The following LRCH3 variants were observed in gnomAD, a reference collection of about 807,000 sequenced individuals.
LRCH3 encodes DISP complex protein LRCH3.
In LRCH3, 68 loss-of-function variants were observed where a neutral mutation model predicts 104.5. The ratio of observed to expected loss-of-function variants is 0.65; its 90% CI spans 0.54 to 0.80. The LOEUF is 0.80. Among genes scored for constraint, LRCH3 ranks in the 30% least tolerant of loss-of-function variants. The pLI is 0.00. For synonymous variants in LRCH3, 344 were observed against 361.3 expected (o/e 0.95, Z 0.54); for missense variants, 951 against 953.9 (o/e 1.00, Z 0.04).
Position 197,854,293 on chromosome 3 carries a change from T to C in LRCH3, c.1591-99T>C. On this transcript the variant is annotated intron_variant, in intron 13 of 20. Coordinates refer to ENST00000425562, the MANE Select transcript of LRCH3 (RefSeq NM_001365715.1). The surrounding 1 kb of genome is among the most constrained non-coding windows in gnomAD (Gnocchi z 4.5). ...CTATGTCAACGTCTTCAAAAGTATG[T>C]CTTAATATGTCTCTTCCCTTGTGTG... The C allele has an allele frequency of 9.9e-7, 1 of 1,007,666 alleles. No homozygotes were observed. The highest frequency in any genetic ancestry group is 1.7e-5 in the Admixed American group (1 of 58,442). 62.4% of individuals were successfully genotyped at this position (1,007,666 alleles called of 1,614,324 possible).
At chr3:197,792,605 A>ATATATAT (rs1553912026) in intron 1 of LRCH3, among the ~76,000 whole-genome samples, 3 of 52,270 alleles carry the variant, frequency 5.7e-5, no homozygotes, top group Non-Finnish European at 1.3e-4. Flanking sequence ...ATATATATAT[A>ATATATAT]AAATATACAT....
At chr3:197,837,328 A>G (rs1326529927) in intron 9 of LRCH3, among the ~76,000 whole-genome samples, 2 of 152,212 alleles carry the variant, frequency 1.3e-5, no homozygotes, top group Non-Finnish European at 2.9e-5. Flanking sequence ...GAAAATGCCT[A>G]TTATACTACT....
Position 197,887,472 on chromosome 3 carries a change from A to G in LRCH3, c.*3806A>G, listed in dbSNP as rs1349383382. ...AGAGCCCCCCAGCAGAGCCCTTCCC[A>G]TCACTGACAGTGTTGGGGGCTGAGA... On this transcript the variant is annotated 3_prime_UTR_variant, in exon 21 of 21. Transcript: ENST00000425562. 1 of 140,780 alleles carries G rather than the reference A, an allele frequency of 7.1e-6. No homozygotes were observed. The highest frequency in any genetic ancestry group is 1.5e-5 in the Non-Finnish European group (1 of 65,572). The allele number at this position is 140,780 out of a possible 1,614,324, so 8.7% of individuals were successfully genotyped here.
chr3:197,847,875 TCA>T lies in LRCH3; in HGVS notation c.1391_1392del (p.Thr464ArgfsTer27). On this transcript the variant is annotated frameshift_variant, in exon 12 of 21. Transcript: ENST00000425562. LOFTEE classifies it high-confidence loss of function. The stretch of plus-strand genomic sequence containing the variant: ...CACAATAACGCTTTGGTTCCAGCTG[TCA>T]CACACAGACCTGGAACTTCATCAGA... ...LSLSASHNQL[S>X]HTDLELHQRR... 1 of 1,613,954 alleles carries T rather than the reference TCA, an allele frequency of 6.2e-7. No individual in the cohort carries two copies. Among genetic ancestry groups the T allele is most frequent in the Non-Finnish European group, 8.5e-7 (1 of 1,179,936 alleles).
chr3:197,838,698 T>C (rs1461379202), intron 9 of LRCH3, among the ~76,000 whole-genome samples: 2 of 152,252 alleles, frequency 1.3e-5, no homozygotes, highest in Non-Finnish European at 1.5e-5. Context: ...AGTAATACTT[T>C]TTGAAAATGA....
intron 20 of LRCH3, chr3:197,880,956 TCTC>T (rs1713708403): frequency 1.5e-6 from 2 of 1,375,858 alleles, no homozygotes; most frequent in Admixed American, 3.1e-5. Context: ...ATCCGTCCAT[TCTC>T]CTGGCCTGTG....
chr3:197,819,150 G>T (rs1436268809), intron 3 of LRCH3, among the ~76,000 whole-genome samples: 1 of 150,384 alleles, frequency 6.6e-6, no homozygotes, highest in Non-Finnish European at 1.5e-5. Context: ...AAAGAAAAAA[G>T]AATGAGTGTC....
chr3:197,835,758 C>T lies in LRCH3; in HGVS notation c.1187C>T (p.Pro396Leu), dbSNP rs1169111952. 4 of 1,613,894 alleles carry T rather than the reference C, an allele frequency of 2.5e-6. No individual in the cohort carries two copies. The African/African-American group carries it at 4.0e-5, about 16-fold the overall frequency. The change falls in exon 9 of 21, where the codon CCA becomes CTA. Residue 396 changes from proline (P) to leucine (L), a missense_variant. By Grantham distance (98) the Pro-to-Leu change is moderately conservative. Transcript: ENST00000425562. Reference sequence around the variant, plus strand: ...GCCGAGGTGAGACAGCCCAAGGGACCAGACCCAGACAGCCTTAGTTCACAG... The same window carrying T: ...GCCGAGGTGAGACAGCCCAAGGGACTAGACCCAGACAGCCTTAGTTCACAG... The part of the protein sequence containing the change: ...EEAEVRQPKG[P>L]DPDSLSSQFM...
intron 8 of LRCH3, among the ~76,000 whole-genome samples, chr3:197,835,013 G>T (rs557869658): frequency 6.6e-6 from 1 of 151,968 alleles, no homozygotes; most frequent in Non-Finnish European, 1.5e-5. Context: ...GCGTGGTGGT[G>T]CACACCTGTA....
At chr3:197,871,220 T>C (rs554752240) in intron 18 of LRCH3, 105 bp from the exon 19 acceptor site, 17 of 924,120 alleles carry the variant, frequency 1.8e-5, no homozygotes, top group East Asian at 4.9e-5. Flanking sequence ...GTGGTACTTA[T>C]TTCCTTTTTA....
At position 197,829,504 on chromosome 3, in the gene LRCH3, T is replaced by TA; in HGVS notation, c.778-55dup. On this transcript the variant is annotated intron_variant, in intron 5 of 20. Coordinates refer to ENST00000425562, the MANE Select transcript of LRCH3 (RefSeq NM_001365715.1). ...TATGTTACATAAAATGTTGATATGA[T>TA]AAAAAGGAGCATACTTCAGATGAGT... 5 of 1,066,650 alleles carry TA rather than the reference T, an allele frequency of 4.7e-6. No homozygotes were observed. In the South Asian group the frequency reaches 7.7e-5, roughly 16 times the overall value. The allele number at this position is 1,066,650 out of a possible 1,614,324, so 66.1% of individuals were successfully genotyped here.
intron 8 of LRCH3, among the ~76,000 whole-genome samples, chr3:197,835,156 C>T (rs1379473740): frequency 6.6e-6 from 1 of 151,974 alleles, no homozygotes; most frequent in Non-Finnish European, 1.5e-5. Flanking sequence ...AAAAACAAAA[C>T]AAAATAAAAT....
chr3:197,792,483 C>T (rs1488148564), intron 1 of LRCH3, among the ~76,000 whole-genome samples: 1 of 147,116 alleles, frequency 6.8e-6, no homozygotes, highest in Admixed American at 7.0e-5. Context: ...TCACTGCTCA[C>T]TGCAGCCTCG....
Position 197,883,274 on chromosome 3 carries a change from T to C in LRCH3, c.2209-267T>C, listed in dbSNP as rs982954427. ...ACCCTGCGGTATTGTTTTCCCTCTG[T>C]TGTATGTATAGATATATGCTACTTG... is the stretch of plus-strand genomic sequence containing the variant. On this transcript the variant is annotated intron_variant, in intron 20 of 20. Transcript: ENST00000425562. This position sits in a 1 kb window ranked among gnomAD's most constrained non-coding sequence, Gnocchi z 4.2. The C allele has an allele frequency of 4.3e-6, 5 of 1,169,842 alleles. No homozygotes were observed. The African/African-American group carries it at 8.0e-5, about 19-fold the overall frequency. 72.5% of individuals were successfully genotyped at this position (1,169,842 alleles called of 1,614,324 possible).
intron 19 of LRCH3, among the ~76,000 whole-genome samples, chr3:197,872,620 C>T (rs1166829348): frequency 1.3e-5 from 2 of 152,102 alleles, no homozygotes; most frequent in Non-Finnish European, 2.9e-5. Flanking sequence ...GTTTTGGGAG[C>T]CCGAGGCTGG....
chr3:197,846,876 T>C (rs1207120556), intron 10 of LRCH3, among the ~76,000 whole-genome samples: 3 of 151,248 alleles, frequency 2.0e-5, no homozygotes, highest in Non-Finnish European at 4.4e-5. Flanking sequence ...TACTACTTTT[T>C]TTTTGTTTTT....
rs973886924 is a variant in LRCH3 at position 197,882,536 on chromosome 3, CAAAA to C, written c.2209-1001_2209-998del. Reference sequence around the variant, plus strand: ...GAAAAGCAAAACAAAAAACAAAAAACAAAAAAACCCAACTAGTTGTTTTAACAAA... The same window carrying C: ...GAAAAGCAAAACAAAAAACAAAAAACAAACCCAACTAGTTGTTTTAACAAA... On this transcript the variant is annotated intron_variant, in intron 20 of 20. Transcript: ENST00000425562. 1.5e-4 allele frequency: 135 copies of C among 872,142 alleles called. 4 individuals carry two copies. Among genetic ancestry groups the C allele is most frequent in the Middle Eastern group, 5.9e-4 (1 of 1,702 alleles). The allele number at this position is 872,142 out of a possible 1,614,324, so 54.0% of individuals were successfully genotyped here.
intron 16 of LRCH3, 87 bp downstream of exon 16, chr3:197,865,558 G>C: frequency 6.9e-6 from 6 of 872,802 alleles, no homozygotes; most frequent in Non-Finnish European, 9.9e-6. Flanking sequence ...TAGAGACGAG[G>C]CCTTTCTGTG....
chr3:197,859,547 T>G (rs528784917), intron 15 of LRCH3: 1 of 152,372 alleles, frequency 6.6e-6, no homozygotes, highest in South Asian at 2.1e-4. Context: ...CTGGAAAAAT[T>G]TAATCTAAAC....
Sources: allele counts gnomAD v4.1 joint callset (sites outside exome capture counted in the v4.1 genomes callset), GRCh38; gene constraint gnomAD v4.1.1; non-coding constraint Gnocchi (gnomAD v3.1); transcripts MANE v1.5; gene names NCBI Gene and HGNC (gene_info 2026-07-23, HGNC 2026-07-21).